Variants in TENM3 observed in about 807,000 individuals in gnomAD.
TENM3 encodes teneurin-3.
A neutral mutation model predicts 255.1 loss-of-function variants in TENM3; 63 were observed. The observed-to-expected ratio is 0.25, with a 90% CI of 0.20 to 0.30. The LOEUF is 0.30. Ranked by LOEUF, TENM3 falls within the 10% of genes least tolerant of loss-of-function variation. The pLI is 1.00. For missense variants in TENM3, 2,929 were observed against 3,461.1 expected (o/e 0.85, Z 3.86); for synonymous variants, 1,306 against 1,322.3 (o/e 0.99, Z 0.27).
intron 3 of TENM3, among the ~76,000 whole-genome samples, chr4:182,478,150 A>G (rs1201584296): frequency 6.6e-6 from 1 of 152,120 alleles, no homozygotes; most frequent in Non-Finnish European, 1.5e-5. Flanking sequence ...AATTAAAAAT[A>G]ACTTTTGTAA....
the TENM3 span, among the ~76,000 whole-genome samples, chr4:181,744,343 C>T: frequency 6.6e-6 from 1 of 152,080 alleles, no homozygotes; most frequent in Non-Finnish European, 1.5e-5. Flanking sequence ...TATATATACC[C>T]AGTAATGGGA....
the TENM3 span, among the ~76,000 whole-genome samples, chr4:181,555,357 G>C: frequency 6.6e-6 from 1 of 152,130 alleles, no homozygotes. Flanking sequence ...CTAAAAATTA[G>C]TTGCTTCTTA....
At chr4:182,600,882 T>TAA (rs773859818) in intron 3 of TENM3, 42 bp from the exon 4 acceptor site, 20 of 1,014,954 alleles carry the variant, frequency 2.0e-5, no homozygotes, top group Middle Eastern at 6.1e-4. Flanking sequence ...TATATATATA[T>TAA]AATGAGTTCT....
At chr4:182,702,857 C>G (rs529523234) in intron 12 of TENM3, among the ~76,000 whole-genome samples, 1 of 152,240 alleles carries the variant, frequency 6.6e-6, no homozygotes, top group East Asian at 1.9e-4. Context: ...CTGCCTCAGC[C>G]TCCCACATAG....
At chr4:182,330,026 C>A (rs2150545134) in intron 2 of TENM3, among the ~76,000 whole-genome samples, 1 of 150,240 alleles carries the variant, frequency 6.7e-6, no homozygotes, top group Non-Finnish European at 1.5e-5. Flanking sequence ...TCATCTGCAA[C>A]AATAAAAGCT....
chr4:182,184,827 C>G (rs1007628375), intron 1 of TENM3, among the ~76,000 whole-genome samples: 1 of 152,046 alleles, frequency 6.6e-6, no homozygotes, highest in African/African-American at 2.4e-5. Flanking sequence ...TGGCTCACAC[C>G]TGTGATCCCT....
intron 3 of TENM3, among the ~76,000 whole-genome samples, chr4:182,403,759 G>T (rs1769363720): frequency 6.6e-6 from 1 of 152,096 alleles, no homozygotes; most frequent in Non-Finnish European, 1.5e-5. Context: ...TGGGGATGGG[G>T]TCACCAGGCT....
intron 2 of TENM3, among the ~76,000 whole-genome samples, chr4:182,326,603 T>C (rs1763427960): frequency 6.6e-6 from 1 of 152,186 alleles, no homozygotes; most frequent in South Asian, 2.1e-4. Context: ...GGGGCAGTCA[T>C]AGCTCACTGC....
chr4:182,389,785 G>A lies in TENM3; in HGVS notation c.511+42856G>A, dbSNP rs7440791. Among the ~76,000 whole-genome samples, 560 of 144,286 alleles carry A rather than the reference G, an allele frequency of 3.9e-3. 4 individuals are homozygous for A. The highest frequency in any genetic ancestry group is 0.013 in the African/African-American group (504 of 39,298). 94.7% of individuals were successfully genotyped at this position (144,286 alleles called of 152,430 possible). On this transcript the variant is annotated intron_variant, in intron 3 of 27. Coordinates refer to ENST00000511685, the MANE Select transcript of TENM3 (RefSeq NM_001080477.4). Reference sequence around the variant, plus strand: ...ACTGCAAGCTCCGCCTCCCGGGTTCGCGCCATTCTCCTGCCTCAGCCTCCC... The same window carrying A: ...ACTGCAAGCTCCGCCTCCCGGGTTCACGCCATTCTCCTGCCTCAGCCTCCC...
chr4:181,688,062 C>T, the TENM3 span, among the ~76,000 whole-genome samples: 1 of 152,120 alleles, frequency 6.6e-6, no homozygotes, highest in African/African-American at 2.4e-5. Context: ...AATTTACTCA[C>T]AGAAAGTGGA....
At chr4:182,660,145 A>G (rs1010856104) in intron 6 of TENM3, among the ~76,000 whole-genome samples, 22 of 152,222 alleles carry the variant, frequency 1.4e-4, no homozygotes, top group African/African-American at 5.3e-4. Context: ...CACTATTACT[A>G]TTTAATGCAT....
At chr4:182,316,871 C>T (rs6817311) in intron 1 of TENM3, among the ~76,000 whole-genome samples, 14,757 of 152,128 alleles carry the variant, frequency 0.097, 755 homozygotes, top group East Asian at 0.14. Context: ...GTCTTCTGGA[C>T]TCTTCCTGGG....
At chr4:181,804,569 G>A in the TENM3 span, among the ~76,000 whole-genome samples, 6 of 152,284 alleles carry the variant, frequency 3.9e-5, no homozygotes, top group Admixed American at 3.9e-4. Flanking sequence ...GAGACTTTAA[G>A]AATAAACAAG....
the TENM3 span, among the ~76,000 whole-genome samples, chr4:181,575,139 G>A: frequency 3.1e-4 from 47 of 152,082 alleles, no homozygotes; most frequent in African/African-American, 1.1e-3. Context: ...CAGTCCATCA[G>A]GAGTTTAAGT....
chr4:182,745,321 A>G (rs946228660), intron 19 of TENM3, among the ~76,000 whole-genome samples: 1 of 152,250 alleles, frequency 6.6e-6, no homozygotes, highest in Non-Finnish European at 1.5e-5. Flanking sequence ...TCCCCAGGAT[A>G]CTGAGCGTGC....
chr4:181,520,819 A>G, the TENM3 span, among the ~76,000 whole-genome samples: 15 of 152,296 alleles, frequency 9.8e-5, no homozygotes, highest in African/African-American at 3.4e-4. Flanking sequence ...AACGCTCAAC[A>G]ATTTCACGAC....
intron 3 of TENM3, among the ~76,000 whole-genome samples, chr4:182,598,743 T>TAG (rs1396135516): frequency 6.6e-6 from 1 of 152,196 alleles, no homozygotes; most frequent in Non-Finnish European, 1.5e-5. Flanking sequence ...GATGAATAAA[T>TAG]GAATGAGTGG....
the TENM3 span, among the ~76,000 whole-genome samples, chr4:182,089,004 TG>T: frequency 6.6e-6 from 1 of 152,176 alleles, no homozygotes; most frequent in Non-Finnish European, 1.5e-5. Context: ...TCTTAATGAA[TG>T]GGATTAGCAC....
At chr4:181,924,975 G>A in the TENM3 span, among the ~76,000 whole-genome samples, 1 of 152,176 alleles carries the variant, frequency 6.6e-6, no homozygotes, top group South Asian at 2.1e-4. Flanking sequence ...TAATTATGAG[G>A]ATGAATAGCC....
Sources: allele counts gnomAD v4.1 joint callset (sites outside exome capture counted in the v4.1 genomes callset), GRCh38; gene constraint gnomAD v4.1.1; transcripts MANE v1.5; gene names NCBI Gene and HGNC (gene_info 2026-07-23, HGNC 2026-07-21).